The following NELL1 variants were observed in gnomAD, a reference collection of about 807,000 sequenced individuals.
The protein encoded by NELL1 is neural EGFL like 1, also known as protein kinase C-binding protein NELL1.
A neutral mutation model predicts 107.4 loss-of-function variants in NELL1; 76 were observed. The ratio of observed to expected loss-of-function variants is 0.71; its 90% confidence interval spans 0.59 to 0.86. The LOEUF is 0.86. Among genes scored for constraint, NELL1 ranks in the 40% least tolerant of loss-of-function variants. The pLI is 0.00. For synonymous variants in NELL1, 353 were observed against 341.2 expected (o/e 1.03, Z -0.38); for missense variants, 1,024 against 1,005.5 (o/e 1.02, Z -0.25).
At chr11:21,016,670 G>A (rs776407156) in intron 12 of NELL1, among the ~76,000 whole-genome samples, 3 of 152,046 alleles carry the variant, frequency 2.0e-5, no homozygotes, top group African/African-American at 7.2e-5. Context: ...ACTGCCACAT[G>A]TCCTATCCTT....
intron 14 of NELL1, among the ~76,000 whole-genome samples, chr11:21,304,000 A>C (rs1849553771): frequency 6.6e-6 from 1 of 151,998 alleles, no homozygotes; most frequent in Admixed American, 6.6e-5. Context: ...AATCCTATTC[A>C]TGGGGCAGAA....
At chr11:21,097,192 G>C (rs912740962) in intron 12 of NELL1, among the ~76,000 whole-genome samples, 6 of 152,086 alleles carry the variant, frequency 3.9e-5, no homozygotes, top group Non-Finnish European at 8.8e-5. Context: ...TCTTAACGTA[G>C]TCACCGATGC....
At chr11:21,113,254 T>C (rs949868867) in intron 12 of NELL1, among the ~76,000 whole-genome samples, 4 of 152,016 alleles carry the variant, frequency 2.6e-5, no homozygotes, top group African/African-American at 9.7e-5. Context: ...TAAATATTCA[T>C]TGATATCGAC....
chr11:20,794,812 A>G (rs1857139782), intron 3 of NELL1, among the ~76,000 whole-genome samples: 1 of 152,178 alleles, frequency 6.6e-6, no homozygotes, highest in African/African-American at 2.4e-5. Flanking sequence ...ATTAAAGGAA[A>G]ATAATGACTA....
At chr11:20,891,301 C>G (rs1225121703) in intron 5 of NELL1, among the ~76,000 whole-genome samples, 1 of 152,160 alleles carries the variant, frequency 6.6e-6, no homozygotes, top group East Asian at 1.9e-4. Context: ...TCTTTCCAGA[C>G]AAGCAAATGC....
chr11:21,243,362 G>A (rs1298593206), intron 14 of NELL1, among the ~76,000 whole-genome samples: 2 of 152,040 alleles, frequency 1.3e-5, no homozygotes, highest in Admixed American at 6.6e-5. Flanking sequence ...CATGTAACTA[G>A]ATGAGGTAGA....
At chr11:20,762,808 A>G (rs1400324811) in intron 2 of NELL1, among the ~76,000 whole-genome samples, 2 of 152,122 alleles carry the variant, frequency 1.3e-5, no homozygotes, top group African/African-American at 4.8e-5. Flanking sequence ...TTTAGAGAAC[A>G]TGGGGTCTGG....
chr11:21,004,299 C>T (rs1246111642), intron 12 of NELL1, among the ~76,000 whole-genome samples: 2 of 152,062 alleles, frequency 1.3e-5, no homozygotes, highest in African/African-American at 4.8e-5. Context: ...TTAATAAAAA[C>T]TAATTAATTA....
At chr11:21,544,253 A>G (rs1340962277) in intron 16 of NELL1, among the ~76,000 whole-genome samples, 1 of 152,028 alleles carries the variant, frequency 6.6e-6, no homozygotes, top group Non-Finnish European at 1.5e-5. Context: ...CCTTAAAAAT[A>G]TCCTACAGTG....
rs191564932 is a variant in NELL1, at chr11:20,811,957, G to A, written c.335+28127G>A. Among the ~76,000 whole-genome samples, 43 of 152,148 alleles carry A rather than the reference G, an allele frequency of 2.8e-4. 1 individual carries two copies. Among genetic ancestry groups the A allele is most frequent in the Middle Eastern group, 6.8e-3 (2 of 294 alleles). ...TATTTTGCCTTATTATTTAGGCTAG[G>A]ACTTCCAGTAATATGTTCAACAAAA... On this transcript the variant is annotated intron_variant, in intron 3 of 19. Transcript: ENST00000357134.
At chr11:21,399,111 G>T (rs1010337207) in intron 15 of NELL1, among the ~76,000 whole-genome samples, 1 of 151,702 alleles carries the variant, frequency 6.6e-6, no homozygotes, top group Non-Finnish European at 1.5e-5. Flanking sequence ...TTCTCTTGAC[G>T]TTTAGCTGCA....
intron 16 of NELL1, among the ~76,000 whole-genome samples, chr11:21,549,912 TAA>T (rs374451076): frequency 5.6e-4 from 85 of 151,654 alleles, no homozygotes; most frequent in African/African-American, 1.9e-3. Context: ...AGAGGGTGAA[TAA>T]AAGAGTGGAA....
At chr11:21,570,686 CAAG>C (rs1857079714) in intron 17 of NELL1, 75 bp from the exon 18 acceptor site, 1 of 1,452,678 alleles carries the variant, frequency 6.9e-7, no homozygotes, top group Non-Finnish European at 9.4e-7. Context: ...ACCAAACATC[CAAG>C]AAGTTCATTT....
At chr11:20,751,810 A>T (rs1026199593) in intron 2 of NELL1, among the ~76,000 whole-genome samples, 29 of 152,146 alleles carry the variant, frequency 1.9e-4, no homozygotes, top group African/African-American at 6.5e-4. Context: ...TTTATTTTTT[A>T]ATATTAGATT....
At chr11:21,283,563 C>T (rs967431827) in intron 14 of NELL1, 4 of 152,504 alleles carry the variant, frequency 2.6e-5, no homozygotes, top group Non-Finnish European at 5.9e-5. Context: ...TATCTAGATC[C>T]AAAATAGTTG....
At chr11:20,801,712 G>A (rs1857284373) in intron 3 of NELL1, among the ~76,000 whole-genome samples, 1 of 152,118 alleles carries the variant, frequency 6.6e-6, no homozygotes, top group African/African-American at 2.4e-5. Context: ...ATAGTTTGAG[G>A]TTTTAGGCTT....
At chr11:21,212,839 A>G (rs963630156) in intron 13 of NELL1, among the ~76,000 whole-genome samples, 21 of 152,338 alleles carry the variant, frequency 1.4e-4, no homozygotes, top group African/African-American at 5.1e-4. Context: ...CTTGGGCAAC[A>G]TAGCACTGGA....
chr11:20,678,741 C>A (rs561806657), intron 2 of NELL1, among the ~76,000 whole-genome samples: 1 of 152,248 alleles, frequency 6.6e-6, no homozygotes, highest in Non-Finnish European at 1.5e-5. Flanking sequence ...GATGGAAAGG[C>A]AGAAAAATAA....
At chr11:20,941,865 A>G (rs1323722564) in intron 10 of NELL1, among the ~76,000 whole-genome samples, 1 of 152,150 alleles carries the variant, frequency 6.6e-6, no homozygotes, top group Admixed American at 6.5e-5. Context: ...GACAGAAGGA[A>G]GTATGGAAGG....
Sources: allele counts gnomAD v4.1 joint callset (sites outside exome capture counted in the v4.1 genomes callset), GRCh38; gene constraint gnomAD v4.1.1; transcripts MANE v1.5; gene names NCBI Gene and HGNC (gene_info 2026-07-23, HGNC 2026-07-21).